Variants in GADL1 observed in about 807,000 individuals in gnomAD.
GADL1 encodes the protein GAD like acidic amino acid decarboxylase 1.
A neutral mutation model predicts 69.5 loss-of-function variants in GADL1; 71 were observed. The observed-to-expected ratio is 1.02, with a 90% CI of 0.84 to 1.25. GADL1 has a LOEUF of 1.25. Ranked by LOEUF, GADL1 falls within the 50% of genes most tolerant of loss-of-function variation. GADL1 has a pLI of 0.00. For synonymous variants in GADL1, 254 were observed against 214.4 expected (o/e 1.18, Z -1.62); for missense variants, 737 against 631.8 (o/e 1.17, Z -1.79).
At chr3:30,761,261 C>G (rs1463834692) in intron 14 of GADL1, among the ~76,000 whole-genome samples, 1 of 123,054 alleles carries the variant, frequency 8.1e-6, no homozygotes, top group Non-Finnish European at 1.8e-5. Context: ...TTCTGAGTCT[C>G]CAGGGAAGAA....
intron 13 of GADL1, among the ~76,000 whole-genome samples, chr3:30,784,716 T>C (rs576969020): frequency 6.6e-6 from 1 of 152,294 alleles, no homozygotes; most frequent in African/African-American, 2.4e-5. Context: ...TCAACATTCC[T>C]CTCTTCTCAT....
chr3:30,787,953 CAA>C (rs1444585658), intron 12 of GADL1, among the ~76,000 whole-genome samples: 1 of 151,910 alleles, frequency 6.6e-6, no homozygotes, highest in Non-Finnish European at 1.5e-5. Flanking sequence ...TTGTATATTT[CAA>C]AGATATTATC....
At chr3:30,859,494 T>G (rs1698282346) in intron 2 of GADL1, among the ~76,000 whole-genome samples, 1 of 151,732 alleles carries the variant, frequency 6.6e-6, no homozygotes, top group African/African-American at 2.4e-5. Context: ...AATCAGTGGT[T>G]TCAGGGGCTA....
At chr3:30,789,522 G>T (rs1249063013) in intron 12 of GADL1, among the ~76,000 whole-genome samples, 1 of 152,176 alleles carries the variant, frequency 6.6e-6, no homozygotes, top group Non-Finnish European at 1.5e-5. Flanking sequence ...CCTAACAATA[G>T]ATTCAGCCTG....
At chr3:30,861,901 G>A in intron 1 of GADL1, 136 bp from the exon 2 acceptor site, 1 of 605,174 alleles carries the variant, frequency 1.7e-6, no homozygotes, top group Non-Finnish European at 2.8e-6. Context: ...TTGAGGTGTT[G>A]AGCTGACAAT....
At chr3:30,836,097 T>A (rs1437527904) in intron 9 of GADL1, among the ~76,000 whole-genome samples, 3 of 151,988 alleles carry the variant, frequency 2.0e-5, no homozygotes, top group African/African-American at 4.8e-5. Flanking sequence ...ACTTCTCTTA[T>A]CCCCCAACCT....
At chr3:30,770,916 A>G (rs1286729717) in intron 14 of GADL1, among the ~76,000 whole-genome samples, 2 of 152,228 alleles carry the variant, frequency 1.3e-5, no homozygotes, top group Non-Finnish European at 2.9e-5. Flanking sequence ...ACTATCCACA[A>G]AACACATCTA....
chr3:30,748,469 A>G (rs1046791303), intron 14 of GADL1, among the ~76,000 whole-genome samples: 15 of 150,360 alleles, frequency 1.0e-4, no homozygotes, highest in Non-Finnish European at 1.6e-4. Flanking sequence ...GAGTTGATAC[A>G]ATCAAGTTTC....
chr3:30,829,403 G>A (rs995069519), intron 11 of GADL1, among the ~76,000 whole-genome samples: 3 of 151,680 alleles, frequency 2.0e-5, no homozygotes, highest in African/African-American at 7.3e-5. Flanking sequence ...TACAAATTGG[G>A]GAATTAGTTT....
intron 11 of GADL1, among the ~76,000 whole-genome samples, chr3:30,824,544 C>T (rs371448708): frequency 7.3e-5 from 11 of 151,238 alleles, no homozygotes; most frequent in African/African-American, 2.2e-4. Flanking sequence ...AATAAATGCC[C>T]GTCAACAATA....
chr3:30,808,454 C>T (rs1697294756), intron 11 of GADL1, among the ~76,000 whole-genome samples: 1 of 148,948 alleles, frequency 6.7e-6, no homozygotes, highest in South Asian at 2.1e-4. Flanking sequence ...GCTGAGACAG[C>T]GTTACTGCAC....
chr3:30,730,883 A>G (rs1369789347), intron 14 of GADL1, among the ~76,000 whole-genome samples: 2 of 151,954 alleles, frequency 1.3e-5, no homozygotes. Flanking sequence ...CTGTGCATAT[A>G]TGCACATGTT....
intron 1 of GADL1, among the ~76,000 whole-genome samples, chr3:30,879,420 T>C (rs1698615248): frequency 6.6e-6 from 1 of 151,918 alleles, no homozygotes; most frequent in Admixed American, 6.6e-5. Flanking sequence ...CTGAATCATT[T>C]CCACCCCTTG....
chr3:30,885,113 T>A (rs1008905463), intron 1 of GADL1, among the ~76,000 whole-genome samples: 2 of 152,146 alleles, frequency 1.3e-5, no homozygotes, highest in African/African-American at 4.8e-5. Context: ...TTCCAGTCAC[T>A]GATTTCCTGG....
intron 14 of GADL1, among the ~76,000 whole-genome samples, chr3:30,768,959 A>G (rs557489416): frequency 9.9e-5 from 15 of 152,254 alleles, no homozygotes; most frequent in South Asian, 8.3e-4. Context: ...ACCATGGAAA[A>G]AGTCTTTTCC....
chr3:30,822,477 T>C (rs1220997884), intron 11 of GADL1, among the ~76,000 whole-genome samples: 1 of 152,064 alleles, frequency 6.6e-6, no homozygotes, highest in Non-Finnish European at 1.5e-5. Flanking sequence ...AAGGAGCCTC[T>C]GTTTTTTAGA....
intron 1 of GADL1, among the ~76,000 whole-genome samples, chr3:30,877,969 C>G (rs1047073452): frequency 6.6e-6 from 1 of 151,884 alleles, no homozygotes; most frequent in African/African-American, 2.4e-5. Context: ...CAAAAAATCT[C>G]AGATGCTGGT....
rs78191180 is a variant in GADL1, at chr3:30,853,285, C to G, written c.428+1414G>C. Among the ~76,000 whole-genome samples the G allele has an allele frequency of 1.0e-2, 1,518 of 152,240 alleles. 22 individuals are homozygous for G. Among genetic ancestry groups the G allele is most frequent in the African/African-American group, 0.035 (1,448 of 41,562 alleles). On this transcript the variant is annotated intron_variant, in intron 4 of 14. Transcript: ENST00000282538. ...TCTAAATATATCAATGCATGGGGCA[C>G]AGCCACAGAATTTCAGATTTAATTG...
intron 11 of GADL1, among the ~76,000 whole-genome samples, chr3:30,823,671 C>T (rs1697630956): frequency 6.6e-6 from 1 of 151,764 alleles, no homozygotes. Context: ...ATCATGGACA[C>T]AAGAAATAGT....
Sources: gnomAD v4.1 joint callset for allele counts (sites outside exome capture counted in the v4.1 genomes callset) on GRCh38, gnomAD v4.1.1 for gene constraint, MANE v1.5 for transcripts, NCBI Gene and HGNC (gene_info 2026-07-23, HGNC 2026-07-21) for gene names.